KLHL29: variants seen among roughly 807,000 people sequenced by gnomAD.
The protein encoded by KLHL29 is kelch like family member 29.
KLHL29 carries 21 observed loss-of-function variants against 80.4 expected under a neutral mutation model. The observed-to-expected ratio is 0.26, with a 90% CI of 0.19 to 0.38. The LOEUF (loss-of-function observed/expected upper bound fraction) is 0.38, where lower values mean the gene tolerates loss of function less well. Ranked by LOEUF, KLHL29 falls within the 10% of genes least tolerant of loss-of-function variation. KLHL29 has a pLI of 1.00. For missense variants in KLHL29, 867 were observed against 1,223.9 expected (o/e 0.71, Z 4.35); for synonymous variants, 511 against 526.8 (o/e 0.97, Z 0.41).
intron 3 of KLHL29, among the ~76,000 whole-genome samples, chr2:23,601,637 G>A (rs1268667466): frequency 1.3e-5 from 2 of 152,162 alleles, no homozygotes; most frequent in African/African-American, 2.4e-5. Flanking sequence ...ACATCAACGT[G>A]TTCCTTTGCA....
At chr2:23,509,448 T>A (rs1665704945) in intron 2 of KLHL29, among the ~76,000 whole-genome samples, 1 of 152,016 alleles carries the variant, frequency 6.6e-6, no homozygotes, top group South Asian at 2.1e-4. Flanking sequence ...TCTGGGAGAG[T>A]GAGGGACAGG....
chr2:23,424,588 C>G (rs1662953786), intron 1 of KLHL29, among the ~76,000 whole-genome samples: 1 of 152,118 alleles, frequency 6.6e-6, no homozygotes, highest in South Asian at 2.1e-4. Context: ...TTGTTTTTAC[C>G]AGATCCATAA....
At chr2:23,414,529 A>T (rs571530691) in intron 1 of KLHL29, among the ~76,000 whole-genome samples, 1 of 152,210 alleles carries the variant, frequency 6.6e-6, no homozygotes, top group Non-Finnish European at 1.5e-5. Context: ...GGTGGAAAGC[A>T]TGTCAGCTGA....
chr2:23,687,093 G>T (rs114684886), intron 6 of KLHL29, among the ~76,000 whole-genome samples: 1 of 152,146 alleles, frequency 6.6e-6, no homozygotes, highest in Non-Finnish European at 1.5e-5. Flanking sequence ...TGCAGTGGCC[G>T]GATTGGCCCA....
chr2:23,442,139 A>G lies in KLHL29; in HGVS notation c.-153-33421A>G, dbSNP rs569314513. Among the ~76,000 whole-genome samples, 4 of 152,236 alleles carry G rather than the reference A, an allele frequency of 2.6e-5. No individual in the cohort carries two copies. The South Asian group carries it at 8.3e-4, about 32-fold the overall frequency. The stretch of plus-strand genomic sequence containing the variant: ...GACAGGGTCTTGTAGGCTAGAATGC[A>G]GTGACACAAAAACGGCTTACTGCAG... On this transcript the variant is annotated intron_variant, in intron 1 of 13. Coordinates refer to ENST00000486442, the MANE Select transcript of KLHL29 (RefSeq NM_052920.2).
chr2:23,591,915 G>T (rs980207657), intron 3 of KLHL29, among the ~76,000 whole-genome samples: 5 of 152,198 alleles, frequency 3.3e-5, no homozygotes, highest in Non-Finnish European at 5.9e-5. Context: ...TTTATCTCCA[G>T]AAACCTGGTC....
chr2:23,640,262 C>T (rs1669732567), intron 4 of KLHL29, among the ~76,000 whole-genome samples: 1 of 152,178 alleles, frequency 6.6e-6, no homozygotes, highest in African/African-American at 2.4e-5. Flanking sequence ...CAGACCTGGT[C>T]TTGTCTTCCA....
intron 5 of KLHL29, among the ~76,000 whole-genome samples, chr2:23,676,523 G>A (rs1670928010): frequency 6.6e-6 from 1 of 152,184 alleles, no homozygotes; most frequent in East Asian, 1.9e-4. Context: ...AGCCATGGTG[G>A]CTCACACCTG....
chr2:23,465,765 C>T (rs980033679), intron 1 of KLHL29, among the ~76,000 whole-genome samples: 1 of 152,186 alleles, frequency 6.6e-6, no homozygotes, highest in African/African-American at 2.4e-5. Flanking sequence ...TCAGGCACCA[C>T]CTTCCTCCAG....
chr2:23,562,018 G>T lies in KLHL29; in HGVS notation c.-45-134G>T. ...CTAATTAATGATCCATGCTTTGTGG[G>T]CTAGCGTGACTCTGAAATGAGCTAA... On this transcript the variant is annotated intron_variant, in intron 2 of 13. Coordinates refer to ENST00000486442, the MANE Select transcript of KLHL29 (RefSeq NM_052920.2). This position sits in a 1 kb window ranked among gnomAD's most constrained non-coding sequence, Gnocchi z 4.5. 1 of 658,394 alleles carries T rather than the reference G, an allele frequency of 1.5e-6. No homozygotes were observed. The highest frequency in any genetic ancestry group is 2.6e-6 in the Non-Finnish European group (1 of 387,468). 40.8% of individuals were successfully genotyped at this position (658,394 alleles called of 1,614,324 possible). A position where few individuals can be genotyped will look rare whatever the true frequency, so the allele number is the denominator to read the frequency against.
chr2:23,468,641 C>A (rs1473073963), intron 1 of KLHL29, among the ~76,000 whole-genome samples: 1 of 152,160 alleles, frequency 6.6e-6, no homozygotes, highest in Non-Finnish European at 1.5e-5. Flanking sequence ...TTTCTCCTGT[C>A]CCCACGGCCG....
chr2:23,621,711 G>A (rs551103670), intron 3 of KLHL29, among the ~76,000 whole-genome samples: 11 of 152,228 alleles, frequency 7.2e-5, no homozygotes, highest in East Asian at 1.9e-4. Flanking sequence ...AAGAGAAGGC[G>A]CTGCCAAAAT....
intron 2 of KLHL29, among the ~76,000 whole-genome samples, chr2:23,556,300 C>T (rs1158049119): frequency 3.3e-5 from 5 of 152,074 alleles, no homozygotes; most frequent in South Asian, 2.1e-4. Flanking sequence ...ACCCCCCTCG[C>T]GGAGGCGCAG....
At chr2:23,479,598 G>A (rs1045606877) in intron 2 of KLHL29, among the ~76,000 whole-genome samples, 1 of 152,132 alleles carries the variant, frequency 6.6e-6, no homozygotes, top group South Asian at 2.1e-4. Context: ...CTCCCAGATG[G>A]CACCTCTGTC....
intron 3 of KLHL29, among the ~76,000 whole-genome samples, chr2:23,594,081 G>A (rs758493056): frequency 2.6e-5 from 4 of 152,188 alleles, no homozygotes; most frequent in Non-Finnish European, 5.9e-5. Context: ...TGAAAGGCTG[G>A]GTGTGGCAGC....
At chr2:23,677,516 G>A (rs182023948) in intron 5 of KLHL29, among the ~76,000 whole-genome samples, 2 of 152,314 alleles carry the variant, frequency 1.3e-5, no homozygotes, top group East Asian at 1.9e-4. Flanking sequence ...CTGGACGAGC[G>A]ACCCACAGGT....
intron 2 of KLHL29, among the ~76,000 whole-genome samples, chr2:23,555,128 C>CA (rs373430684): frequency 9.5e-5 from 14 of 146,968 alleles, no homozygotes; most frequent in African/African-American, 3.7e-4. Context: ...CCTCCCCCCC[C>CA]CCCTCAACTT....
intron 1 of KLHL29, among the ~76,000 whole-genome samples, chr2:23,407,028 C>T (rs1035289895): frequency 6.6e-6 from 1 of 152,048 alleles, no homozygotes; most frequent in African/African-American, 2.4e-5. Context: ...TTTTTTTCCT[C>T]TTAACCTTGC....
chr2:23,537,867 G>C (rs1197219783), intron 2 of KLHL29, among the ~76,000 whole-genome samples: 2 of 152,162 alleles, frequency 1.3e-5, no homozygotes, highest in Non-Finnish European at 2.9e-5. Flanking sequence ...TAGAGGCTTT[G>C]GAATGTGTCC....
Sources: gnomAD v4.1 joint callset for allele counts (sites outside exome capture counted in the v4.1 genomes callset) on GRCh38, gnomAD v4.1.1 for gene constraint, Gnocchi (gnomAD v3.1) non-coding constraint, MANE v1.5 for transcripts, NCBI Gene and HGNC (gene_info 2026-07-23, HGNC 2026-07-21) for gene names.